Variants in ANKRD53 observed in about 807,000 individuals in gnomAD.
ANKRD53 encodes ankyrin repeat domain-containing protein 53.
In ANKRD53, 27 loss-of-function variants were observed where a neutral mutation model predicts 30.1. The ratio of observed to expected loss-of-function variants is 0.90; its 90% CI spans 0.66 to 1.24. The LOEUF is 1.24. Ranked by LOEUF, ANKRD53 falls within the 50% of genes most tolerant of loss-of-function variation. The pLI, the probability that ANKRD53 is intolerant of heterozygous loss-of-function variation, is 0.00. For synonymous variants in ANKRD53, 286 were observed against 295.4 expected, an observed-to-expected ratio of 0.97 and a Z score of 0.33; for missense variants, 682 against 721.0, an observed-to-expected ratio of 0.95 and a Z score of 0.62.
rs1553422892 is a variant in ANKRD53, at chr2:70,978,844, G to T, written c.170+29G>T. 12 of 1,547,238 alleles carry T rather than the reference G, an allele frequency of 7.8e-6. No individual in the cohort carries two copies. The highest frequency in any genetic ancestry group is 9.6e-6 in the Non-Finnish European group (11 of 1,146,126). On this transcript the variant is annotated intron_variant, in intron 1 of 5. Transcript: ENST00000360589. The surrounding 1 kb of genome is among the most constrained non-coding windows in gnomAD (Gnocchi z 4.3). ...GGTAGCGGGAGAAGGTGTCCCGGCT[G>T]CAGGGAGCGAGAACCCGGCCCAGCG...
In ANKRD53 at chr2:70,982,225, C is replaced by A. The variant is rs573733879; in HGVS notation, c.782+125C>A. 4.3e-6 allele frequency: 5 copies of A among 1,154,970 alleles called. No homozygotes were observed. Among genetic ancestry groups the A allele is most frequent in the Non-Finnish European group, 6.0e-6 (5 of 837,624 alleles). 71.5% of individuals were successfully genotyped at this position (1,154,970 alleles called of 1,614,324 possible). The stretch of plus-strand genomic sequence containing the variant: ...TGGGAAGCCAGACAGCTGGAGGATG[C>A]GCCTACTGCCCAGGATATTTTGGAT... On this transcript the variant is annotated intron_variant, in intron 4 of 5. Transcript: ENST00000360589. The surrounding 1 kb of genome is among the most constrained non-coding windows in gnomAD (Gnocchi z 4.2).
In ANKRD53 at chr2:70,982,441, G is replaced by A. The variant is rs1670040512; in HGVS notation, c.783-136G>A. 5 of 1,267,964 alleles carry A rather than the reference G, an allele frequency of 3.9e-6. No individual in the cohort carries two copies. The highest frequency in any genetic ancestry group is 4.4e-4 in the Middle Eastern group (2 of 4,578). 78.5% of individuals were successfully genotyped at this position (1,267,964 alleles called of 1,614,324 possible). On this transcript the variant is annotated intron_variant, in intron 4 of 5. Transcript: ENST00000360589. This position sits in a 1 kb window ranked among gnomAD's most constrained non-coding sequence, Gnocchi z 4.2. ...GAGCCAGAGGGCCCCGGGCAATGGG[G>A]ATGGCTCATCTTGCTCCTCTCCCTC...
chr2:70,982,296 G>A lies in ANKRD53; in HGVS notation c.782+196G>A. 2.6e-6 allele frequency: 2 copies of A among 763,238 alleles called. No homozygotes were observed. Among genetic ancestry groups the A allele is most frequent in the Non-Finnish European group, 4.1e-6 (2 of 491,760 alleles). 47.3% of individuals were successfully genotyped at this position (763,238 alleles called of 1,614,324 possible). A position where few individuals can be genotyped will look rare whatever the true frequency, so the allele number is the denominator to read the frequency against. On this transcript the variant is annotated intron_variant, in intron 4 of 5. Transcript: ENST00000360589. This position sits in a 1 kb window ranked among gnomAD's most constrained non-coding sequence, Gnocchi z 4.2. ...TGGGCTTGGGGGTAAGTCTGCCCAG[G>A]TCCCCTGCTCTCTGGGTTGATCACT...
At chr2:70,984,024 A>T in intron 5 of ANKRD53, 1 of 1,177,990 alleles carries the variant, frequency 8.5e-7, no homozygotes, top group Non-Finnish European at 1.3e-6. Context: ...CTGGAGAGCC[A>T]GCCAACTGTA....
chr2:70,982,623 C>A lies in ANKRD53; in HGVS notation c.829C>A (p.Arg277Ser). 1 of 1,614,066 alleles carries A rather than the reference C, an allele frequency of 6.2e-7. No individual in the cohort carries two copies. The highest frequency in any genetic ancestry group is 8.5e-7 in the Non-Finnish European group (1 of 1,179,996). Reference sequence around the variant, plus strand: ...GAAAAAGGACAAGAAGGACTTTGCCCGTGAGATGACGAAAATGAAGATGTT... The same window carrying A: ...GAAAAAGGACAAGAAGGACTTTGCCAGTGAGATGACGAAAATGAAGATGTT... ...MWKKDKKDFA[R>S]EMTKMKMFKS... The change falls in exon 5 of 6, where the codon CGT (arginine) becomes AGT (serine). Residue 277 changes from arginine (R) to serine (S), a missense_variant. By Grantham distance (110) the Arg-to-Ser change is moderately radical (BLOSUM62 -1). Transcript: ENST00000360589. This position sits in a 1 kb window ranked among gnomAD's most constrained non-coding sequence, Gnocchi z 4.2.
chr2:70,978,498 C>A, upstream of ANKRD53: 1 of 955,388 alleles, frequency 1.0e-6, no homozygotes. This position sits in a 1 kb window ranked among gnomAD's most constrained non-coding sequence, Gnocchi z 4.3. Context: ...CCGGGCTCTG[C>A]CCCTCCAGCT....
chr2:70,982,702 G>A lies in ANKRD53; in HGVS notation c.903+5G>A, dbSNP rs987447048. 4.5e-4 allele frequency: 730 copies of A among 1,613,632 alleles called. No homozygotes were observed. Among genetic ancestry groups the A allele is most frequent in the Non-Finnish European group, 6.1e-4 (718 of 1,179,826 alleles). ...AACTACCTGATTGAGTATCAAGTAAGGGGGACAGCAGGGGGGCCAGGGGAC... is the reference window on the plus strand; with the variant it reads ...AACTACCTGATTGAGTATCAAGTAAAGGGGACAGCAGGGGGGCCAGGGGAC... On this transcript the variant is annotated splice_donor_5th_base_variant and intron_variant, in intron 5 of 5. Coordinates refer to ENST00000360589, the MANE Select transcript of ANKRD53 (RefSeq NM_001115116.2). The surrounding 1 kb of genome is among the most constrained non-coding windows in gnomAD (Gnocchi z 4.2).
chr2:70,983,985 A>C, intron 5 of ANKRD53: 43 of 737,332 alleles, frequency 5.8e-5, no homozygotes, highest in Non-Finnish European at 6.3e-5. Context: ...AGGCAAGGAC[A>C]GAGCTAGATT....
In ANKRD53 at chr2:70,985,489, G is replaced by GCC; in HGVS notation, c.*190_*191insCC. On this transcript the variant is annotated 3_prime_UTR_variant, in exon 6 of 6. Coordinates refer to ENST00000360589, the MANE Select transcript of ANKRD53 (RefSeq NM_001115116.2). ...CTTTTCTCTGCAAATAAATCTCTTG[G>GCC]CACCCCCCCACCGCCGCCAGGAAAT... 1.8e-6 allele frequency: 1 copy of GCC among 566,208 alleles called. No individual in the cohort carries two copies. The highest frequency in any genetic ancestry group is 3.0e-6 in the Non-Finnish European group (1 of 333,294). 35.1% of individuals were successfully genotyped at this position (566,208 alleles called of 1,614,324 possible).
At chr2:70,978,599 GGTGT>G (rs1301481528), upstream of ANKRD53, 5 of 1,450,524 alleles carry the variant, frequency 3.4e-6, no homozygotes, top group East Asian at 1.4e-4. This position sits in a 1 kb window ranked among gnomAD's most constrained non-coding sequence, Gnocchi z 4.3. Context: ...GGCGCCGGCG[GGTGT>G]GTGAGTAGCC....
intron 2 of ANKRD53, 77 bp from the exon 3 acceptor site, chr2:70,979,584 C>T (rs1172289356): frequency 1.2e-5 from 18 of 1,477,918 alleles, no homozygotes; most frequent in Non-Finnish European, 6.4e-6. Context: ...AAGGTAACCC[C>T]AATAAATTTA....
chr2:70,984,166 T>A, intron 5 of ANKRD53: 1 of 1,614,194 alleles, frequency 6.2e-7, no homozygotes, highest in Non-Finnish European at 8.5e-7. Context: ...TTTTCCCCCA[T>A]CACACCAGAG....
Position 70,982,760 on chromosome 2 carries a change from A to G in ANKRD53, c.903+63A>G. ...ATCCAGGCATGTGAGCAGAGGGGGC[A>G]GTGACCCACATATTGTGGAGGAGTG... On this transcript the variant is annotated intron_variant, in intron 5 of 5. Transcript: ENST00000360589. The surrounding 1 kb of genome is among the most constrained non-coding windows in gnomAD (Gnocchi z 4.2). 1 of 1,588,544 alleles carries G rather than the reference A, an allele frequency of 6.3e-7. No homozygotes were observed. Among genetic ancestry groups the G allele is most frequent in the Non-Finnish European group, 8.6e-7 (1 of 1,165,700 alleles).
intron 5 of ANKRD53, 118 bp from the exon 6 acceptor site, chr2:70,984,493 C>CA (rs1170401356): frequency 2.0e-6 from 3 of 1,530,672 alleles, no homozygotes; most frequent in African/African-American, 2.8e-5. Context: ...CCATCAGACT[C>CA]AGAGTTTCCC....
chr2:70,978,794 A>T lies in ANKRD53; in HGVS notation c.149A>T (p.Asp50Val), dbSNP rs1669903839. 1 of 1,570,654 alleles carries T rather than the reference A, an allele frequency of 6.4e-7. No homozygotes were observed. Among genetic ancestry groups the T allele is most frequent in the Admixed American group, 1.9e-5 (1 of 53,034 alleles). ...NKVSLKATWT[D>V]AESKQPSQPL... ...GTCTCCTTGAAGGCCACCTGGACTG[A>T]CGCGGAGTCCAAGCAGCCCAGGTGG... The change falls in exon 1 of 6, where the codon GAC (aspartate) becomes GTC (valine). Residue 50 changes from aspartate to valine, a missense_variant. By Grantham distance (152) the Asp-to-Val change is radical. Transcript: ENST00000360589. This position sits in a 1 kb window ranked among gnomAD's most constrained non-coding sequence, Gnocchi z 4.3.
Position 70,985,107 on chromosome 2 carries a change from G to C in ANKRD53, c.1400G>C (p.Arg467Thr). 2 of 1,551,048 alleles carry C rather than the reference G, an allele frequency of 1.3e-6. No individual in the cohort carries two copies. The highest frequency in any genetic ancestry group is 1.7e-6 in the Non-Finnish European group (2 of 1,147,008). ...RMLYPRVWPY[R>T]MKVPQGFYPI... ...CTGTACCCACGTGTATGGCCATACA[G>C]AATGAAGGTGCCCCAGGGCTTTTAC... Residue 467 changes from arginine to threonine, a missense_variant, in exon 6 of 6, where the codon AGA becomes ACA. By Grantham distance (71) the Arg-to-Thr change is moderately conservative. Transcript: ENST00000360589.
chr2:70,984,345 G>A, intron 5 of ANKRD53: 2 of 1,602,260 alleles, frequency 1.2e-6, no homozygotes, highest in African/African-American at 2.7e-5. Context: ...CCATCAGATT[G>A]GAGATCCCCC....
At chr2:70,984,369 G>A in intron 5 of ANKRD53, 1 of 1,585,788 alleles carries the variant, frequency 6.3e-7, no homozygotes. Context: ...TGGGAGAGGT[G>A]CTTTGTCTCC....
chr2:70,979,719 T>C lies in ANKRD53; in HGVS notation c.476T>C (p.Leu159Pro). 2 of 1,614,220 alleles carry C rather than the reference T, an allele frequency of 1.2e-6. No homozygotes were observed. The highest frequency in any genetic ancestry group is 1.7e-6 in the Non-Finnish European group (2 of 1,180,034). Residue 159 changes from leucine to proline, a missense_variant, in exon 3 of 6, where the codon CTG becomes CCG. By Grantham distance (98) the Leu-to-Pro change is moderately conservative (BLOSUM62 -3). Transcript: ENST00000360589. ...GGCAAGCTTGCATGCCTGCAGGTCC[T>C]GGTAGAGGAGTACAAGTTTCCCGTG... ...QWGKLACLQV[L>P]VEEYKFPVDL...
Sources: gnomAD v4.1 joint callset for allele counts on GRCh38, gnomAD v4.1.1 for gene constraint, Gnocchi (gnomAD v3.1) non-coding constraint, MANE v1.5 for transcripts, NCBI Gene and HGNC (gene_info 2026-07-23, HGNC 2026-07-21) for gene names.